UBE2L3: variants seen among roughly 807,000 people sequenced by gnomAD.
The protein encoded by UBE2L3 is ubiquitin-conjugating enzyme E2 L3.
In UBE2L3, 1 loss-of-function variant was observed where a neutral mutation model predicts 17.8. The observed-to-expected ratio is 0.06, with a 90% confidence interval of 0.02 to 0.27. The LOEUF is 0.27. Among genes scored for constraint, UBE2L3 ranks in the 10% least tolerant of loss-of-function variants. The probability of loss-of-function intolerance (pLI) is 1.00; values close to 1 mark genes in which losing one functional copy is unlikely to be tolerated. For synonymous variants in UBE2L3, 44 were observed against 68.5 expected (o/e 0.64, Z 1.76); for missense variants, 40 against 192.6 (o/e 0.21, Z 4.69).
chr22:21,615,369 C>A (rs1318869883), intron 3 of UBE2L3, among the ~76,000 whole-genome samples: 7 of 151,930 alleles, frequency 4.6e-5, no homozygotes, highest in Admixed American at 3.3e-4. Context: ...TCCTGGCTAA[C>A]ATGGTGAAAC....
chr22:21,587,013 G>A (rs184386976), intron 1 of UBE2L3, among the ~76,000 whole-genome samples: 90 of 151,218 alleles, frequency 6.0e-4, no homozygotes, highest in Admixed American at 1.4e-3. Context: ...AGCCTCCCGA[G>A]TAGCTGGAAC....
intron 2 of UBE2L3, among the ~76,000 whole-genome samples, chr22:21,599,173 A>C (rs1928722124): frequency 1.3e-5 from 2 of 152,044 alleles, no homozygotes; most frequent in African/African-American, 4.8e-5. Context: ...CGCCCTCCGG[A>C]TGCCTCATTC....
intron 1 of UBE2L3, among the ~76,000 whole-genome samples, chr22:21,557,384 A>G (rs1409343857): frequency 3.3e-5 from 5 of 152,218 alleles, no homozygotes; most frequent in Admixed American, 1.3e-4. Context: ...CAAAAAAACG[A>G]AAAACCCAAC....
At chr22:21,620,451 C>T (rs1300855841) in intron 3 of UBE2L3, among the ~76,000 whole-genome samples, 2 of 152,146 alleles carry the variant, frequency 1.3e-5, no homozygotes, top group Admixed American at 1.3e-4. Context: ...GAATTTGTGG[C>T]ATCAGCAGTT....
At chr22:21,590,128 T>A (rs1204457863) in intron 1 of UBE2L3, among the ~76,000 whole-genome samples, 3 of 152,190 alleles carry the variant, frequency 2.0e-5, no homozygotes, top group Non-Finnish European at 4.4e-5. Context: ...TACAGTTGAG[T>A]TCCATCTTGC....
At chr22:21,571,011 C>A (rs1300580801) in intron 1 of UBE2L3, among the ~76,000 whole-genome samples, 1 of 152,172 alleles carries the variant, frequency 6.6e-6, no homozygotes, top group Non-Finnish European at 1.5e-5. Context: ...ATATACTACA[C>A]TGAGAAGTTA....
chr22:21,607,470 G>A (rs1457115782), intron 2 of UBE2L3, among the ~76,000 whole-genome samples: 1 of 149,004 alleles, frequency 6.7e-6, no homozygotes, highest in Non-Finnish European at 1.5e-5. Flanking sequence ...AGCTGAGATC[G>A]CGCCACTGCA....
At chr22:21,588,698 C>G (rs185410787) in intron 1 of UBE2L3, among the ~76,000 whole-genome samples, 59 of 151,892 alleles carry the variant, frequency 3.9e-4, no homozygotes, top group Middle Eastern at 6.8e-3. Context: ...GAGTCTTGCT[C>G]TGTCACTCAG....
At chr22:21,559,086 C>T (rs1192876809) in intron 1 of UBE2L3, among the ~76,000 whole-genome samples, 2 of 151,594 alleles carry the variant, frequency 1.3e-5, no homozygotes, top group Non-Finnish European at 2.9e-5. Context: ...GTGGCCCACG[C>T]CTCTAATCTC....
chr22:21,577,223 C>A (rs2148406827), intron 1 of UBE2L3, among the ~76,000 whole-genome samples: 2 of 152,194 alleles, frequency 1.3e-5, no homozygotes, highest in African/African-American at 4.8e-5. Context: ...CCACCTTGGC[C>A]TCCCGAAGTG....
chr22:21,561,928 A>G (rs1926447311), intron 1 of UBE2L3, among the ~76,000 whole-genome samples: 1 of 152,166 alleles, frequency 6.6e-6, no homozygotes, highest in African/African-American at 2.4e-5. Context: ...CAAATAGAAC[A>G]TGTTAGTACT....
chr22:21,620,562 TG>T (rs1302941148), intron 3 of UBE2L3, among the ~76,000 whole-genome samples: 2 of 152,026 alleles, frequency 1.3e-5, no homozygotes, highest in African/African-American at 4.8e-5. Context: ...TGAGGAGGTG[TG>T]GGTAGCAGCT....
chr22:21,560,361 G>A (rs1296595822), intron 1 of UBE2L3, among the ~76,000 whole-genome samples: 4 of 152,224 alleles, frequency 2.6e-5, no homozygotes, highest in African/African-American at 7.2e-5. Context: ...TGCTATCAGC[G>A]TCTCTGTTTC....
intron 2 of UBE2L3, among the ~76,000 whole-genome samples, chr22:21,608,454 T>C (rs1423385895): frequency 2.6e-5 from 4 of 152,100 alleles, no homozygotes; most frequent in Non-Finnish European, 5.9e-5. Context: ...GATGGAATCT[T>C]GCTCTGTCAC....
chr22:21,614,965 C>T (rs1317667086), intron 3 of UBE2L3, among the ~76,000 whole-genome samples: 1 of 151,392 alleles, frequency 6.6e-6, no homozygotes, highest in Non-Finnish European at 1.5e-5. Flanking sequence ...ACCAGCCTGG[C>T]CAACATGGTG....
chr22:21,561,937 C>G (rs1029056314), intron 1 of UBE2L3, among the ~76,000 whole-genome samples: 3 of 152,178 alleles, frequency 2.0e-5, no homozygotes, highest in African/African-American at 7.2e-5. Flanking sequence ...CATGTTAGTA[C>G]TGCTCTATGG....
At chr22:21,611,580 T>C (rs1929482462) in intron 3 of UBE2L3, among the ~76,000 whole-genome samples, 1 of 152,148 alleles carries the variant, frequency 6.6e-6, no homozygotes. Flanking sequence ...TAGTTGGCTT[T>C]AGTGGGCCTG....
At chr22:21,600,254 G>A (rs1025769033) in intron 2 of UBE2L3, among the ~76,000 whole-genome samples, 5 of 151,984 alleles carry the variant, frequency 3.3e-5, no homozygotes, top group African/African-American at 1.2e-4. Flanking sequence ...TGGAGGTTGC[G>A]GTGAGCTGAG....
At chr22:21,621,259 C>T (rs952813872) in intron 3 of UBE2L3, among the ~76,000 whole-genome samples, 59 of 152,258 alleles carry the variant, frequency 3.9e-4, no homozygotes, top group African/African-American at 1.3e-3. Context: ...TTCCTGGAGG[C>T]GGAAGCACAT....
Sources: allele counts gnomAD v4.1 joint callset (sites outside exome capture counted in the v4.1 genomes callset), GRCh38; gene constraint gnomAD v4.1.1; transcripts MANE v1.5; gene names NCBI Gene and HGNC (gene_info 2026-07-23, HGNC 2026-07-21).